Variants in PHACTR1 observed in about 807,000 individuals in gnomAD.
PHACTR1 encodes the protein RPEL repeat containing 1.
A neutral mutation model predicts 69.2 loss-of-function variants in PHACTR1; 16 were observed. The ratio of observed to expected loss-of-function variants is 0.23; its 90% confidence interval spans 0.16 to 0.35. The LOEUF is 0.35. Ranked by LOEUF, PHACTR1 falls within the 10% of genes least tolerant of loss-of-function variation. The probability of loss-of-function intolerance (pLI) is 1.00; values close to 1 mark genes in which losing one functional copy is unlikely to be tolerated. For synonymous variants in PHACTR1, 312 were observed against 284.5 expected (o/e 1.10, Z -0.97); for missense variants, 510 against 734.7 (o/e 0.69, Z 3.54).
chr6:13,232,524 T>C (rs1771375413), intron 10 of PHACTR1, among the ~76,000 whole-genome samples: 1 of 152,238 alleles, frequency 6.6e-6, no homozygotes, highest in Admixed American at 6.5e-5. Flanking sequence ...ACCTCAGTGA[T>C]AGTTACAGCT....
chr6:12,963,954 C>G (rs1422683033), intron 4 of PHACTR1, among the ~76,000 whole-genome samples: 2 of 152,144 alleles, frequency 1.3e-5, no homozygotes, highest in African/African-American at 4.8e-5. Flanking sequence ...CGTTCAGAAA[C>G]AAGTCACCAG....
intron 4 of PHACTR1, among the ~76,000 whole-genome samples, chr6:12,973,561 C>A (rs1234142508): frequency 1.3e-5 from 2 of 152,224 alleles, no homozygotes. Context: ...GGCATACTTT[C>A]TCTTCTACCA....
rs900219469 is a variant in PHACTR1, at chr6:13,283,264, C to G, written c.1510-158C>G. On this transcript the variant is annotated intron_variant, in intron 12 of 14. Transcript: ENST00000332995. The surrounding 1 kb of genome is among the most constrained non-coding windows in gnomAD (Gnocchi z 4.7). ...AAGAGTCAGGAGACTTGGGTCCCCCCACCCTGGCCCTCCCCCTGCCCCTGC... is the reference window on the plus strand; with the variant it reads ...AAGAGTCAGGAGACTTGGGTCCCCCGACCCTGGCCCTCCCCCTGCCCCTGC... 2 of 721,682 alleles carry G rather than the reference C, an allele frequency of 2.8e-6. No homozygotes were observed. Among genetic ancestry groups the G allele is most frequent in the East Asian group, 5.6e-5 (2 of 35,412 alleles). 44.7% of individuals were successfully genotyped at this position (721,682 alleles called of 1,614,324 possible).
intron 5 of PHACTR1, among the ~76,000 whole-genome samples, chr6:13,158,171 C>T (rs1288943424): frequency 3.3e-5 from 5 of 151,982 alleles, no homozygotes; most frequent in African/African-American, 9.7e-5. Context: ...TGTGAACCCC[C>T]GCGCCCGGCT....
At chr6:13,110,001 T>C (rs1263297456) in intron 5 of PHACTR1, among the ~76,000 whole-genome samples, 1 of 152,090 alleles carries the variant, frequency 6.6e-6, no homozygotes, top group African/African-American at 2.4e-5. Context: ...CTATATTTCT[T>C]TGTTGTTTTT....
intron 5 of PHACTR1, among the ~76,000 whole-genome samples, chr6:13,135,030 A>G (rs1821329858): frequency 6.6e-6 from 1 of 152,152 alleles, no homozygotes; most frequent in Non-Finnish European, 1.5e-5. Context: ...CAATTCTTCC[A>G]TTGTTTTACT....
intron 4 of PHACTR1, among the ~76,000 whole-genome samples, chr6:12,989,102 G>A (rs532311543): frequency 2.6e-5 from 4 of 152,278 alleles, no homozygotes; most frequent in South Asian, 2.1e-4. Flanking sequence ...ATCTTATAAC[G>A]TTGAATCCTA....
intron 5 of PHACTR1, among the ~76,000 whole-genome samples, chr6:13,119,572 C>T (rs1316082011): frequency 1.3e-5 from 2 of 152,156 alleles, no homozygotes; most frequent in Non-Finnish European, 2.9e-5. Context: ...CCCCAGAGCT[C>T]CCAGCCCCTG....
chr6:12,968,291 C>T (rs1793740022), intron 4 of PHACTR1, among the ~76,000 whole-genome samples: 1 of 152,136 alleles, frequency 6.6e-6, no homozygotes, highest in Admixed American at 6.5e-5. Context: ...CACAAATGAG[C>T]TTGGAAAACA....
In PHACTR1 at chr6:13,147,220, CA is replaced by C. The variant is rs1247806808; in HGVS notation, c.416-12983del. On this transcript the variant is annotated intron_variant, in intron 5 of 14. Coordinates refer to ENST00000332995, the MANE Select transcript of PHACTR1 (RefSeq NM_030948.6). ...AGACGGAATTATTTCTCATAATTCT[CA>C]GAAAAGACAACTGATATTTATTCTG... is the stretch of plus-strand genomic sequence containing the variant. Among the ~76,000 whole-genome samples, 3 of 152,200 alleles carry C rather than the reference CA, an allele frequency of 2.0e-5. No homozygotes were observed. In the East Asian group the frequency reaches 5.8e-4, roughly 29 times the overall value.
intron 5 of PHACTR1, among the ~76,000 whole-genome samples, chr6:13,058,353 G>A (rs9473352): frequency 0.012 from 1,893 of 152,162 alleles, 40 homozygotes; most frequent in African/African-American, 0.043. Context: ...GGGGTTGGCC[G>A]TGGAAATCTA....
At chr6:13,238,638 G>A (rs906038203) in intron 10 of PHACTR1, among the ~76,000 whole-genome samples, 7 of 152,122 alleles carry the variant, frequency 4.6e-5, no homozygotes, top group African/African-American at 1.4e-4. Context: ...CAGTAATCTT[G>A]ACTTCTAAAT....
chr6:12,861,514 T>G (rs1780936398), intron 4 of PHACTR1, among the ~76,000 whole-genome samples: 1 of 152,202 alleles, frequency 6.6e-6, no homozygotes, highest in Non-Finnish European at 1.5e-5. Flanking sequence ...GAAGCTAAAC[T>G]CCTTTACCAA....
At chr6:12,951,809 C>A (rs905894539) in intron 4 of PHACTR1, among the ~76,000 whole-genome samples, 9 of 152,170 alleles carry the variant, frequency 5.9e-5, no homozygotes, top group African/African-American at 2.2e-4. Flanking sequence ...GGCTATGATG[C>A]TGTTTAAGTA....
intron 4 of PHACTR1, among the ~76,000 whole-genome samples, chr6:12,847,262 T>C (rs2065490): frequency 0.19 from 28,781 of 152,164 alleles, 2,933 homozygotes; most frequent in African/African-American, 0.26. Context: ...GCATTATATA[T>C]GTATATGTAT....
At chr6:13,263,640 TC>T (rs1191736675) in intron 10 of PHACTR1, among the ~76,000 whole-genome samples, 1 of 152,240 alleles carries the variant, frequency 6.6e-6, no homozygotes, top group Non-Finnish European at 1.5e-5. Flanking sequence ...AAAATTTATC[TC>T]CAAAAATCAT....
chr6:12,863,872 G>C (rs1021688896), intron 4 of PHACTR1, among the ~76,000 whole-genome samples: 7 of 128,138 alleles, frequency 5.5e-5, no homozygotes, highest in African/African-American at 2.1e-4. Flanking sequence ...CAATTGCTGA[G>C]GGTGAGTTCA....
At chr6:13,145,072 G>T (rs778538910) in intron 5 of PHACTR1, among the ~76,000 whole-genome samples, 1 of 152,182 alleles carries the variant, frequency 6.6e-6, no homozygotes, top group Non-Finnish European at 1.5e-5. Context: ...CTATTTTTAA[G>T]AAGCAGTTAT....
At chr6:13,122,002 T>C (rs552746141) in intron 5 of PHACTR1, among the ~76,000 whole-genome samples, 30 of 152,214 alleles carry the variant, frequency 2.0e-4, no homozygotes, top group Non-Finnish European at 2.5e-4. Flanking sequence ...TAAAGTCTTA[T>C]AATAAATATA....
Sources: gnomAD v4.1 joint callset for allele counts (sites outside exome capture counted in the v4.1 genomes callset) on GRCh38, gnomAD v4.1.1 for gene constraint, Gnocchi (gnomAD v3.1) non-coding constraint, MANE v1.5 for transcripts, NCBI Gene and HGNC (gene_info 2026-07-23, HGNC 2026-07-21) for gene names.